Variants in KALRN observed in about 807,000 individuals in gnomAD.
The protein encoded by KALRN is kalirin RhoGEF kinase, also known as kalirin.
KALRN carries 70 observed loss-of-function variants against 353.7 expected under a neutral mutation model. The observed-to-expected ratio is 0.20, with a 90% CI of 0.16 to 0.24. KALRN has a LOEUF of 0.24. KALRN is among the 10% of genes least tolerant of loss of function. KALRN has a pLI of 1.00. For missense variants in KALRN, 2,791 were observed against 3,756.7 expected, an observed-to-expected ratio of 0.74 and a Z score of 6.72; for synonymous variants, 1,391 against 1,434.8, an observed-to-expected ratio of 0.97 and a Z score of 0.69.
intron 1 of KALRN, among the ~76,000 whole-genome samples, chr3:124,218,569 G>T (rs548684762): frequency 6.6e-6 from 1 of 152,328 alleles, no homozygotes; most frequent in South Asian, 2.1e-4. Context: ...ACCACTACCT[G>T]TGATGTATGA....
chr3:124,203,636 T>C (rs376805878), intron 1 of KALRN, among the ~76,000 whole-genome samples: 82 of 152,128 alleles, frequency 5.4e-4, no homozygotes, highest in Non-Finnish European at 8.2e-4. Flanking sequence ...ATAATAATAA[T>C]AGGGCAATAA....
intron 1 of KALRN, among the ~76,000 whole-genome samples, chr3:124,147,698 A>G (rs1024113265): frequency 2.6e-5 from 4 of 152,182 alleles, no homozygotes; most frequent in South Asian, 2.1e-4. Flanking sequence ...TTTTTCTCCC[A>G]TATTCTGAGA....
chr3:124,472,555 A>G (rs948094687), intron 25 of KALRN, among the ~76,000 whole-genome samples: 1 of 147,724 alleles, frequency 6.8e-6, no homozygotes, highest in African/African-American at 2.6e-5. Flanking sequence ...TTAATTTTAA[A>G]TTAAAATGTG....
At chr3:124,138,802 G>T (rs564882529) in intron 1 of KALRN, among the ~76,000 whole-genome samples, 154 of 152,236 alleles carry the variant, frequency 1.0e-3, no homozygotes, top group African/African-American at 3.6e-3. Context: ...CTATGGCTTT[G>T]GTCCTCAGAG....
intron 7 of KALRN, 57 bp from the exon 8 acceptor site, chr3:124,329,804 C>T: frequency 1.3e-6 from 2 of 1,576,696 alleles, no homozygotes; most frequent in Admixed American, 1.7e-5. Context: ...CTCCATAATC[C>T]ACCCAACTCC....
At chr3:124,572,152 A>G (rs2073587167) in intron 34 of KALRN, among the ~76,000 whole-genome samples, 8 of 151,196 alleles carry the variant, frequency 5.3e-5, no homozygotes, top group Admixed American at 5.3e-4. Flanking sequence ...GTGAAACCCC[A>G]TCTCTACCAA....
intron 3 of KALRN, among the ~76,000 whole-genome samples, chr3:124,235,518 G>A (rs2079649089): frequency 1.6e-5 from 2 of 121,292 alleles, no homozygotes; most frequent in South Asian, 5.5e-4. Context: ...CGGAAGAGAA[G>A]AGAGCTTCAC....
Position 124,674,596 on chromosome 3 carries a change from G to A in KALRN, c.7175G>A (p.Ser2392Asn), listed in dbSNP as rs752205306. 1.1e-5 allele frequency: 17 copies of A among 1,596,374 alleles called. No individual in the cohort carries two copies. The highest frequency in any genetic ancestry group is 1.4e-5 in the Non-Finnish European group (16 of 1,168,756). Residue 2392 changes from serine to asparagine, a missense_variant, in exon 49 of 60, where the codon AGT becomes AAT. Physicochemically the swap from Ser to Asn is conservative, Grantham distance 46 (BLOSUM62 1). Coordinates refer to ENST00000682506, the MANE Select transcript of KALRN (RefSeq NM_001388419.1). ...APLTKATAAE[S>N]SDGSIKKSCS... The stretch of plus-strand genomic sequence containing the variant: ...CTCACCAAAGCCACAGCAGCAGAAA[G>A]TAGTGACGGGAGCATCAAGTAAGTG...
At chr3:124,035,044 C>A (rs1158139090) in intron 1 of KALRN, among the ~76,000 whole-genome samples, 2 of 152,084 alleles carry the variant, frequency 1.3e-5, no homozygotes, top group African/African-American at 4.8e-5. Context: ...CTCATATGTT[C>A]ATTCTCTAGT....
chr3:124,251,352 T>C (rs1253597222), intron 3 of KALRN, among the ~76,000 whole-genome samples: 1 of 115,234 alleles, frequency 8.7e-6, no homozygotes, highest in Non-Finnish European at 2.0e-5. Context: ...TGGCAAGTCT[T>C]TGCTTTTTTT....
chr3:124,403,350 A>G (rs1172537875), intron 13 of KALRN, among the ~76,000 whole-genome samples: 2 of 152,222 alleles, frequency 1.3e-5, no homozygotes, highest in African/African-American at 2.4e-5. Context: ...AATTTGGGGC[A>G]TTTTCTGAGA....
chr3:124,383,074 T>A (rs1223016606), intron 10 of KALRN, among the ~76,000 whole-genome samples: 2 of 152,234 alleles, frequency 1.3e-5, no homozygotes, highest in Non-Finnish European at 2.9e-5. Flanking sequence ...TGGGACAATG[T>A]AAATGACTTT....
At chr3:124,438,231 G>A (rs1181924751) in intron 17 of KALRN, among the ~76,000 whole-genome samples, 1 of 152,094 alleles carries the variant, frequency 6.6e-6, no homozygotes, top group Admixed American at 6.5e-5. Flanking sequence ...CATTTATAAG[G>A]TCACTTAGCA....
intron 57 of KALRN, among the ~76,000 whole-genome samples, chr3:124,712,315 T>C (rs2062929849): frequency 6.6e-6 from 1 of 152,208 alleles, no homozygotes; most frequent in South Asian, 2.1e-4. Context: ...AGAATTGGTA[T>C]GTATGAGAAG....
chr3:124,536,359 G>A (rs567214415), intron 33 of KALRN, among the ~76,000 whole-genome samples: 25 of 152,166 alleles, frequency 1.6e-4, no homozygotes, highest in South Asian at 1.0e-3. Context: ...GAGCCACCAC[G>A]TCCGGCTAAT....
intron 1 of KALRN, among the ~76,000 whole-genome samples, chr3:124,107,774 G>A (rs1031078579): frequency 6.6e-6 from 1 of 152,160 alleles, no homozygotes; most frequent in Non-Finnish European, 1.5e-5. Context: ...GGAGGGAGGA[G>A]GTAGACAGTG....
chr3:124,439,137 C>T (rs2093579420), intron 18 of KALRN, 100 bp downstream of exon 18: 1 of 1,169,210 alleles, frequency 8.6e-7, no homozygotes, highest in Non-Finnish European at 1.2e-6. Context: ...CTCTTTCTCT[C>T]TCTTTCTCTT....
At chr3:124,711,115 G>T (rs895259609) in intron 57 of KALRN, among the ~76,000 whole-genome samples, 4 of 152,138 alleles carry the variant, frequency 2.6e-5, no homozygotes, top group African/African-American at 4.8e-5. Flanking sequence ...TGCCAAGAAT[G>T]ATATTTGGTA....
At chr3:124,426,799 TG>T (rs565373756) in intron 15 of KALRN, among the ~76,000 whole-genome samples, 51 of 152,316 alleles carry the variant, frequency 3.3e-4, no homozygotes, top group African/African-American at 1.2e-3. Flanking sequence ...ATTACTACTA[TG>T]GTGAAGATGA....
Sources: gnomAD v4.1 joint callset for allele counts (sites outside exome capture counted in the v4.1 genomes callset) on GRCh38, gnomAD v4.1.1 for gene constraint, MANE v1.5 for transcripts, NCBI Gene and HGNC (gene_info 2026-07-23, HGNC 2026-07-21) for gene names.